The following CA6 variants were observed in gnomAD, a reference collection of about 807,000 sequenced individuals.
The protein encoded by CA6 is carbonate dehydratase VI.
A neutral mutation model predicts 35.9 loss-of-function variants in CA6; 28 were observed. The observed-to-expected ratio is 0.78, with a 90% CI of 0.58 to 1.07. CA6 has a LOEUF of 1.07. Among genes scored for constraint, CA6 ranks in the 50% least tolerant of loss-of-function variants. The probability of loss-of-function intolerance (pLI) is 0.00; values close to 1 mark genes in which losing one functional copy is unlikely to be tolerated. For missense variants in CA6, 377 were observed against 382.0 expected, an observed-to-expected ratio of 0.99 and a Z score of 0.11; for synonymous variants, 148 against 152.6, an observed-to-expected ratio of 0.97 and a Z score of 0.22.
At chr1:8,961,833 G>C (rs933059334) in intron 4 of CA6, among the ~76,000 whole-genome samples, 1 of 152,182 alleles carries the variant, frequency 6.6e-6, no homozygotes, top group African/African-American at 2.4e-5. Context: ...AATTGTAGTC[G>C]TTCTGCCTTG....
At chr1:8,967,304 G>A (rs933673017) in intron 5 of CA6, among the ~76,000 whole-genome samples, 18 of 152,160 alleles carry the variant, frequency 1.2e-4, no homozygotes, top group African/African-American at 4.1e-4. Context: ...TTACACTTAG[G>A]AGTACTTCCC....
intron 3 of CA6, 71 bp from the exon 4 acceptor site, chr1:8,958,839 C>T: frequency 1.2e-6 from 1 of 852,088 alleles, no homozygotes; most frequent in Non-Finnish European, 1.9e-6. Context: ...TTCTCTTCCT[C>T]CTTCCCTGGA....
rs1252218736 is a variant in CA6 at position 8,962,586 on chromosome 1, G to A, written c.502-1G>A. 1 of 1,612,756 alleles carries A rather than the reference G, an allele frequency of 6.2e-7. No individual in the cohort carries two copies. Among genetic ancestry groups the A allele is most frequent in the South Asian group, 1.1e-5 (1 of 91,052 alleles). ...GCTCAGTGCTCTGTGTTTCTCTGCA[G>A]GTGAAGAATTACCCTGAAAACACTT... is the stretch of plus-strand genomic sequence containing the variant. On this transcript the variant is annotated splice_acceptor_variant, in intron 4 of 7. Transcript: ENST00000377443. LOFTEE classifies it high-confidence loss of function.
Position 8,959,465 on chromosome 1 carries a change from C to A in CA6, c.501+463C>A, listed in dbSNP as rs377680861. Among the ~76,000 whole-genome samples, 5 of 144,502 alleles carry A rather than the reference C, an allele frequency of 3.5e-5. No individual in the cohort carries two copies. In the East Asian group the frequency reaches 9.8e-4, roughly 28 times the overall value. The allele number at this position is 144,502 out of a possible 152,430, so 94.8% of individuals were successfully genotyped here. On this transcript the variant is annotated intron_variant, in intron 4 of 7. Transcript: ENST00000377443. ...AAGTAGCTGGGATTACAGGCACCTGCCACCACGTCTGGCTAATTTTTGTAT... is the reference window on the plus strand; with the variant it reads ...AAGTAGCTGGGATTACAGGCACCTGACACCACGTCTGGCTAATTTTTGTAT...
At position 8,973,765 on chromosome 1, in the gene CA6, T is replaced by TTTCC. The variant is rs1640185244; in HGVS notation, c.845-854_845-853insCTTC. Reference sequence around the variant, plus strand: ...CTTTCTTTCTTTCTTTCTTTCTTTCTTTCTTTCTTTCTTTCTTTCTTTTCC... The same window carrying TTTCC: ...CTTTCTTTCTTTCTTTCTTTCTTTCTTTCCTTCTTTCTTTCTTTCTTTCTTTTCC... On this transcript the variant is annotated intron_variant, in intron 7 of 7. Coordinates refer to ENST00000377443, the MANE Select transcript of CA6 (RefSeq NM_001215.4). 4.0e-4 allele frequency among the ~76,000 whole-genome samples: 12 copies of TTTCC among 30,176 alleles called. 1 individual carries two copies. Among genetic ancestry groups the TTTCC allele is most frequent in the African/African-American group, 3.8e-3 (11 of 2,874 alleles). 19.8% of individuals were successfully genotyped at this position (30,176 alleles called of 152,430 possible). A position where few individuals can be genotyped will look rare whatever the true frequency, so the allele number is the denominator to read the frequency against.
At chr1:8,965,350 G>A (rs186406289) in intron 5 of CA6, among the ~76,000 whole-genome samples, 22 of 152,200 alleles carry the variant, frequency 1.4e-4, no homozygotes, top group African/African-American at 5.3e-4. Flanking sequence ...CCGCTCCATT[G>A]CCGGAACTTT....
intron 5 of CA6, among the ~76,000 whole-genome samples, chr1:8,965,169 G>A (rs1639937522): frequency 6.6e-6 from 1 of 152,102 alleles, no homozygotes; most frequent in Admixed American, 6.6e-5. Flanking sequence ...GCTTAAACCC[G>A]GGAGGTGGAG....
At chr1:8,955,720 C>T (rs1286938843) in intron 2 of CA6, among the ~76,000 whole-genome samples, 1 of 140,768 alleles carries the variant, frequency 7.1e-6, no homozygotes, top group Non-Finnish European at 1.6e-5. Flanking sequence ...GCTCTAAATA[C>T]AGAGCATTTG....
chr1:8,946,474 A>G (rs1183676039), intron 1 of CA6, among the ~76,000 whole-genome samples: 1 of 152,122 alleles, frequency 6.6e-6, no homozygotes, highest in East Asian at 1.9e-4. Flanking sequence ...AACTTCAAAT[A>G]AGGAAAAGAA....
At chr1:8,958,169 C>A (rs1252278970) in intron 3 of CA6, among the ~76,000 whole-genome samples, 1 of 151,070 alleles carries the variant, frequency 6.6e-6, no homozygotes, top group Non-Finnish European at 1.5e-5. Flanking sequence ...GTTAGATTTT[C>A]TTTTTTTTTG....
At chr1:8,967,155 T>A (rs1639991915) in intron 5 of CA6, among the ~76,000 whole-genome samples, 1 of 152,044 alleles carries the variant, frequency 6.6e-6, no homozygotes, top group Non-Finnish European at 1.5e-5. Context: ...GTCTACCCAC[T>A]TCTCAATGAG....
Position 8,974,824 on chromosome 1 carries a change from G to A in CA6, c.*120G>A, listed in dbSNP as rs1460873818. ...AAACCATGTGTGTCTGGAACACGCTGCTCCCCCTGGGGCAGCTGTTGGGAT... is the reference window on the plus strand; with the variant it reads ...AAACCATGTGTGTCTGGAACACGCTACTCCCCCTGGGGCAGCTGTTGGGAT... On this transcript the variant is annotated 3_prime_UTR_variant, in exon 8 of 8. Coordinates refer to ENST00000377443, the MANE Select transcript of CA6 (RefSeq NM_001215.4). The A allele has an allele frequency of 8.6e-6, 5 of 578,592 alleles. No individual in the cohort carries two copies. The highest frequency in any genetic ancestry group is 5.3e-4 in the Middle Eastern group (2 of 3,760). The allele number at this position is 578,592 out of a possible 1,614,324, so 35.8% of individuals were successfully genotyped here.
intron 3 of CA6, among the ~76,000 whole-genome samples, chr1:8,957,881 C>T (rs1356223982): frequency 2.6e-5 from 4 of 151,962 alleles, no homozygotes; most frequent in Non-Finnish European, 5.9e-5. Context: ...TCGCTTGAGG[C>T]CAGCAGGCTG....
At chr1:8,952,924 T>C (rs936744042) in intron 2 of CA6, among the ~76,000 whole-genome samples, 3 of 152,212 alleles carry the variant, frequency 2.0e-5, no homozygotes, top group South Asian at 2.1e-4. Context: ...CCCAAAGTGC[T>C]GGGATTACAG....
chr1:8,969,780 C>T (rs1640060398), intron 6 of CA6, among the ~76,000 whole-genome samples: 1 of 151,958 alleles, frequency 6.6e-6, no homozygotes, highest in African/African-American at 2.4e-5. Flanking sequence ...TATTATTAGA[C>T]AGAGAGTTGA....
At chr1:8,950,774 G>C (rs1392455231) in intron 2 of CA6, among the ~76,000 whole-genome samples, 1 of 149,540 alleles carries the variant, frequency 6.7e-6, no homozygotes, top group African/African-American at 2.5e-5. Context: ...AGGCTGAGGT[G>C]GGAGGATCAC....
At position 8,970,162 on chromosome 1, in the gene CA6, C is replaced by T. The variant is rs544639458; in HGVS notation, c.730-705C>T. ...TGGAGGTTGCAGTGAGCCGCAATCG[C>T]GTCACTGCACTCCAGCCTGGCGACA... is the stretch of plus-strand genomic sequence containing the variant. On this transcript the variant is annotated intron_variant, in intron 6 of 7. Coordinates refer to ENST00000377443, the MANE Select transcript of CA6 (RefSeq NM_001215.4). Among the ~76,000 whole-genome samples, 3 of 141,558 alleles carry T rather than the reference C, an allele frequency of 2.1e-5. No individual in the cohort carries two copies. In the South Asian group the frequency reaches 6.8e-4, roughly 32 times the overall value. The allele number at this position is 141,558 out of a possible 152,430, so 92.9% of individuals were successfully genotyped here. A position where few individuals can be genotyped will look rare whatever the true frequency, so the allele number is the denominator to read the frequency against.
At chr1:8,956,561 G>A (rs1288516980) in intron 2 of CA6, among the ~76,000 whole-genome samples, 1 of 152,100 alleles carries the variant, frequency 6.6e-6, no homozygotes, top group African/African-American at 2.4e-5. Context: ...TCGGGAGGCT[G>A]AGGTGATAGG....
intron 2 of CA6, among the ~76,000 whole-genome samples, chr1:8,955,785 A>G (rs948518109): frequency 6.6e-6 from 1 of 152,214 alleles, no homozygotes; most frequent in Non-Finnish European, 1.5e-5. Context: ...ATTATAGCAC[A>G]TTACGTTATG....
Sources: allele counts gnomAD v4.1 joint callset (sites outside exome capture counted in the v4.1 genomes callset), GRCh38; gene constraint gnomAD v4.1.1; transcripts MANE v1.5; gene names NCBI Gene and HGNC (gene_info 2026-07-23, HGNC 2026-07-21).